The following PPP4R4 variants were observed in gnomAD, a reference collection of about 807,000 sequenced individuals.
PPP4R4 encodes the protein serine/threonine-protein phosphatase 4 regulatory subunit 4.
PPP4R4 carries 70 observed loss-of-function variants against 121.8 expected under a neutral mutation model. The observed-to-expected ratio is 0.57, with a 90% CI of 0.47 to 0.70. PPP4R4 has a LOEUF of 0.70. Ranked by LOEUF, PPP4R4 falls within the 30% of genes least tolerant of loss-of-function variation. The pLI is 0.00. For missense variants in PPP4R4, 875 were observed against 1,033.6 expected, an observed-to-expected ratio of 0.85 and a Z score of 2.10; for synonymous variants, 348 against 355.7, an observed-to-expected ratio of 0.98 and a Z score of 0.24.
At chr14:94,197,332 G>A (rs1889932202) in intron 2 of PPP4R4, among the ~76,000 whole-genome samples, 1 of 152,118 alleles carries the variant, frequency 6.6e-6, no homozygotes, top group Non-Finnish European at 1.5e-5. Context: ...TTCACACGTG[G>A]CATGCATTTT....
chr14:94,263,201 A>G (rs920084847), intron 19 of PPP4R4, among the ~76,000 whole-genome samples: 50 of 152,044 alleles, frequency 3.3e-4, no homozygotes, highest in Admixed American at 1.0e-3. Context: ...ATTTAAATAT[A>G]TATTCTCTTC....
At chr14:94,227,393 C>G in intron 3 of PPP4R4, 1 of 1,601,688 alleles carries the variant, frequency 6.2e-7, no homozygotes, top group Non-Finnish European at 8.5e-7. Context: ...GTATTGAACT[C>G]TTATTGTATT....
chr14:94,238,808 A>G (rs967880652), intron 8 of PPP4R4, among the ~76,000 whole-genome samples: 6 of 152,222 alleles, frequency 3.9e-5, no homozygotes, highest in Admixed American at 6.5e-5. Flanking sequence ...GATTATTGCA[A>G]TATGGACAAT....
chr14:94,237,822 T>G, intron 8 of PPP4R4, 136 bp downstream of exon 8: 1 of 1,190,554 alleles, frequency 8.4e-7, no homozygotes, highest in Non-Finnish European at 1.2e-6. Flanking sequence ...TATGATTCAT[T>G]CTGTTTTCGT....
chr14:94,196,583 G>T (rs1310877093), intron 2 of PPP4R4, among the ~76,000 whole-genome samples: 1 of 151,710 alleles, frequency 6.6e-6, no homozygotes, highest in East Asian at 1.9e-4. Context: ...CAAAGTGCTG[G>T]GATTACAGGC....
In PPP4R4 at chr14:94,264,928, T is replaced by C. The variant is rs367604978; in HGVS notation, c.2178T>C (p.Asp726=). The change falls in exon 20 of 25, where the codon GAT becomes GAC. Residue 726 remains aspartate, a synonymous_variant. Transcript: ENST00000304338. The stretch of plus-strand genomic sequence containing the variant: ...AGAATGATGGAAGGCCCATGAGTGA[T>C]AAAATGTTTGAAAAGAAACGTAAGT... ...KQQNDGRPMS[D]KMFEKKRRDT... 7.5e-5 allele frequency: 120 copies of C among 1,600,394 alleles called. No homozygotes were observed. The highest frequency in any genetic ancestry group is 1.0e-4 in the Non-Finnish European group (118 of 1,175,750).
intron 19 of PPP4R4, among the ~76,000 whole-genome samples, chr14:94,261,899 G>A (rs1893804967): frequency 6.6e-6 from 1 of 151,876 alleles, no homozygotes; most frequent in African/African-American, 2.4e-5. Flanking sequence ...ACCCTATTTG[G>A]CAATGGTTTA....
Position 94,176,552 on chromosome 14 carries a change from C to G in PPP4R4, c.191+425C>G, listed in dbSNP as rs539801470. Among the ~76,000 whole-genome samples the G allele has an allele frequency of 2.6e-5, 4 of 152,256 alleles. No individual in the cohort carries two copies. The East Asian group carries it at 7.7e-4, about 29-fold the overall frequency. ...AAATATGGTAGTTCATTTTGCTGTT[C>G]AGGATATCCTGTTTGTATTACTTTT... is the stretch of plus-strand genomic sequence containing the variant. On this transcript the variant is annotated intron_variant, in intron 2 of 24. Coordinates refer to ENST00000304338, the MANE Select transcript of PPP4R4 (RefSeq NM_058237.2).
At chr14:94,261,771 T>G (rs1291408637) in intron 19 of PPP4R4, among the ~76,000 whole-genome samples, 2 of 152,000 alleles carry the variant, frequency 1.3e-5, no homozygotes, top group Admixed American at 1.3e-4. Context: ...TTTTTATGAA[T>G]GGTTGTTGCA....
intron 2 of PPP4R4, among the ~76,000 whole-genome samples, chr14:94,197,814 G>A (rs1030835237): frequency 7.9e-5 from 12 of 152,226 alleles, no homozygotes; most frequent in South Asian, 4.1e-4. Flanking sequence ...ACATACAGTA[G>A]TATTATTTTT....
chr14:94,277,481 T>C (rs1015078132), intron 24 of PPP4R4, among the ~76,000 whole-genome samples: 1 of 152,198 alleles, frequency 6.6e-6, no homozygotes, highest in African/African-American at 2.4e-5. Flanking sequence ...CTAAGGTGCC[T>C]TCTAGCTCTG....
chr14:94,240,431 C>G (rs1892567117), intron 8 of PPP4R4, among the ~76,000 whole-genome samples: 1 of 152,064 alleles, frequency 6.6e-6, no homozygotes, highest in African/African-American at 2.4e-5. Flanking sequence ...TATTCTGTTC[C>G]CAATGGCCTG....
At chr14:94,228,138 A>G (rs1045916071) in intron 3 of PPP4R4, among the ~76,000 whole-genome samples, 2 of 152,220 alleles carry the variant, frequency 1.3e-5, no homozygotes, top group African/African-American at 4.8e-5. Flanking sequence ...CAGCCACTCT[A>G]ATATGTGGTA....
intron 17 of PPP4R4, 139 bp downstream of exon 17, chr14:94,256,743 A>G (rs1893493112): frequency 1.0e-6 from 1 of 998,046 alleles, no homozygotes; most frequent in East Asian, 2.7e-5. Flanking sequence ...TTAGTAAATG[A>G]TTTGGTTGAT....
chr14:94,255,239 A>G (rs1893404501), intron 16 of PPP4R4, among the ~76,000 whole-genome samples: 1 of 152,148 alleles, frequency 6.6e-6, no homozygotes, highest in Admixed American at 6.5e-5. Context: ...TGAAAACCTT[A>G]AATAAATTCT....
At chr14:94,210,199 A>T in intron 3 of PPP4R4, among the ~76,000 whole-genome samples, 1 of 151,512 alleles carries the variant, frequency 6.6e-6, no homozygotes, top group Non-Finnish European at 1.5e-5. Context: ...TTGTATAAAT[A>T]TGCTATATAT....
chr14:94,180,265 T>C (rs1420979392), intron 2 of PPP4R4, among the ~76,000 whole-genome samples: 2 of 152,222 alleles, frequency 1.3e-5, no homozygotes, highest in Non-Finnish European at 2.9e-5. Context: ...ACGGACAAAG[T>C]ATACCAACTG....
chr14:94,216,943 G>A (rs1226296312), intron 3 of PPP4R4, among the ~76,000 whole-genome samples: 1 of 152,128 alleles, frequency 6.6e-6, no homozygotes, highest in Non-Finnish European at 1.5e-5. Context: ...CTGATAAAAA[G>A]CAGAGGTCTG....
At chr14:94,262,900 T>G (rs889780898) in intron 19 of PPP4R4, among the ~76,000 whole-genome samples, 3 of 152,144 alleles carry the variant, frequency 2.0e-5, no homozygotes, top group Non-Finnish European at 2.9e-5. Context: ...AAGTCTGGGT[T>G]GACAGCCTTT....
Sources: allele counts gnomAD v4.1 joint callset (sites outside exome capture counted in the v4.1 genomes callset), GRCh38; gene constraint gnomAD v4.1.1; transcripts MANE v1.5; gene names NCBI Gene and HGNC (gene_info 2026-07-23, HGNC 2026-07-21).